BRINP3: variants seen among roughly 807,000 people sequenced by gnomAD.
BRINP3 encodes BMP/retinoic acid inducible neural specific 3.
BRINP3 carries 19 observed loss-of-function variants against 71.0 expected under a neutral mutation model. The observed-to-expected ratio is 0.27, with a 90% confidence interval of 0.19 to 0.39. The LOEUF (loss-of-function observed/expected upper bound fraction) is 0.39. Ranked by LOEUF, BRINP3 falls within the 10% of genes least tolerant of loss-of-function variation. The pLI is 1.00. For synonymous variants in BRINP3, 380 were observed against 337.7 expected (o/e 1.13, Z -1.37); for missense variants, 959 against 940.8 (o/e 1.02, Z -0.25).
chr1:190,252,930 CT>C (rs1416342745), intron 4 of BRINP3, among the ~76,000 whole-genome samples: 2 of 151,998 alleles, frequency 1.3e-5, no homozygotes, highest in Non-Finnish European at 2.9e-5. Flanking sequence ...ATCCCTCCCC[CT>C]GTCCCACACC....
Position 190,098,535 on chromosome 1 carries a change from T to C in BRINP3, c.1784A>G (p.Asp595Gly), listed in dbSNP as rs1651402079. ...FMPVNENSFP[D>G]WERTKLDLPL... The stretch of plus-strand genomic sequence containing the variant: ...TAGGTCCAACTTAGTCCGCTCCCAG[T>C]CTGGAAAGCTGTTTTCATTCACAGG... The change falls in exon 8 of 8, where the codon GAC (aspartate) becomes GGC (glycine). Residue 595 changes from aspartate to glycine, a missense_variant. Asp to Gly is a moderately conservative substitution (Grantham distance 94, BLOSUM62 -1). Coordinates refer to ENST00000367462, the MANE Select transcript of BRINP3 (RefSeq NM_199051.3). The C allele has an allele frequency of 1.9e-6, 3 of 1,614,056 alleles. No individual in the cohort carries two copies. The South Asian group carries it at 3.3e-5, about 18-fold the overall frequency.
At chr1:190,347,244 G>A (rs1668078793) in intron 2 of BRINP3, among the ~76,000 whole-genome samples, 1 of 152,128 alleles carries the variant, frequency 6.6e-6, no homozygotes, top group South Asian at 2.1e-4. Flanking sequence ...AGGTTCAAGG[G>A]ATTCCTCTGC....
chr1:190,457,207 C>T (rs796581383), intron 1 of BRINP3, among the ~76,000 whole-genome samples: 128 of 152,110 alleles, frequency 8.4e-4, no homozygotes, highest in African/African-American at 2.9e-3. Context: ...TTTGGGAGGC[C>T]GAGGAGGGCG....
At chr1:190,340,767 T>A (rs1402747786) in intron 2 of BRINP3, among the ~76,000 whole-genome samples, 1 of 151,578 alleles carries the variant, frequency 6.6e-6, no homozygotes, top group Admixed American at 6.6e-5. Flanking sequence ...TAATGTAATG[T>A]CAGCCACACT....
intron 4 of BRINP3, among the ~76,000 whole-genome samples, chr1:190,235,542 A>G (rs1658433292): frequency 6.6e-6 from 1 of 151,992 alleles, no homozygotes; most frequent in Non-Finnish European, 1.5e-5. Flanking sequence ...TTATAGGACA[A>G]GGAAGACACC....
intron 2 of BRINP3, among the ~76,000 whole-genome samples, chr1:190,413,238 T>C (rs1400090736): frequency 2.0e-5 from 3 of 151,996 alleles, no homozygotes; most frequent in Non-Finnish European, 4.4e-5. Flanking sequence ...TTGTGTATAT[T>C]AACTAAAAAT....
intron 2 of BRINP3, among the ~76,000 whole-genome samples, chr1:190,413,397 A>C (rs1672815780): frequency 6.6e-6 from 1 of 152,210 alleles, no homozygotes; most frequent in Non-Finnish European, 1.5e-5. Context: ...TAACTTGTAA[A>C]TATTTCTTTA....
chr1:190,461,003 C>G (rs1384377337), intron 1 of BRINP3, among the ~76,000 whole-genome samples: 1 of 152,212 alleles, frequency 6.6e-6, no homozygotes, highest in Non-Finnish European at 1.5e-5. Context: ...AGTTTTCCCA[C>G]TAGCCATGTG....
chr1:190,312,273 T>C (rs1665588539), intron 2 of BRINP3, among the ~76,000 whole-genome samples: 1 of 151,080 alleles, frequency 6.6e-6, no homozygotes, highest in Admixed American at 6.6e-5. Flanking sequence ...TGAGCTGTCA[T>C]TTAGAAATAT....
intron 5 of BRINP3, among the ~76,000 whole-genome samples, chr1:190,233,572 A>G (rs1196199418): frequency 6.6e-6 from 1 of 152,190 alleles, no homozygotes; most frequent in East Asian, 1.9e-4. Context: ...TGAATAATGT[A>G]AATATTCAGC....
intron 2 of BRINP3, among the ~76,000 whole-genome samples, chr1:190,358,041 T>C (rs1391552979): frequency 6.6e-6 from 1 of 152,106 alleles, no homozygotes; most frequent in Non-Finnish European, 1.5e-5. Flanking sequence ...CTGTTAGACC[T>C]AAAACCATAA....
At chr1:190,283,991 A>C (rs960811289) in intron 2 of BRINP3, among the ~76,000 whole-genome samples, 5 of 151,936 alleles carry the variant, frequency 3.3e-5, no homozygotes, top group African/African-American at 9.7e-5. Context: ...ATACAATCTA[A>C]GTGAAATAAT....
rs1571565789 is a variant in BRINP3 at position 190,264,966 on chromosome 1, T to C, written c.517A>G (p.Thr173Ala). The part of the protein sequence containing the change: ...SDSTTNSSSV[T>A]LETLHQLAAS... ...GCTAGCTGATGTAGCGTCTCCAGAG[T>C]GACCGAAGAGCTATTGGTGGTGGAA... Residue 173 changes from threonine to alanine, a missense_variant, in exon 4 of 8, where the codon ACT (threonine) becomes GCT (alanine). Physicochemically the swap from Thr to Ala is moderately conservative, Grantham distance 58 (BLOSUM62 0). Transcript: ENST00000367462. 6.2e-7 allele frequency: 1 copy of C among 1,612,234 alleles called. No individual in the cohort carries two copies. The highest frequency in any genetic ancestry group is 2.2e-5 in the East Asian group (1 of 44,656).
At chr1:190,102,184 C>T (rs1651762867) in intron 7 of BRINP3, among the ~76,000 whole-genome samples, 1 of 152,052 alleles carries the variant, frequency 6.6e-6, no homozygotes, top group South Asian at 2.1e-4. Context: ...TTTCTTTACT[C>T]CTTGTGTAAT....
intron 1 of BRINP3, among the ~76,000 whole-genome samples, chr1:190,456,675 T>C (rs1324723775): frequency 1.3e-5 from 2 of 152,080 alleles, no homozygotes; most frequent in Admixed American, 6.6e-5. Context: ...ATAATAATCC[T>C]GTGACTAAAA....
At chr1:190,415,933 G>T (rs1437996712) in intron 2 of BRINP3, among the ~76,000 whole-genome samples, 3 of 152,050 alleles carry the variant, frequency 2.0e-5, no homozygotes, top group Non-Finnish European at 4.4e-5. Flanking sequence ...ACATATATTT[G>T]CATATATATT....
intron 5 of BRINP3, among the ~76,000 whole-genome samples, chr1:190,229,223 T>G (rs1472433896): frequency 6.6e-6 from 1 of 151,966 alleles, no homozygotes; most frequent in African/African-American, 2.4e-5. Context: ...CCACATGTCG[T>G]GGGAGGGACC....
At chr1:190,434,544 T>A (rs907221413) in intron 2 of BRINP3, among the ~76,000 whole-genome samples, 13 of 152,142 alleles carry the variant, frequency 8.5e-5, no homozygotes, top group Admixed American at 1.3e-4. Context: ...TAGGTTATAA[T>A]GATAGGCATT....
chr1:190,097,969 G>A lies in BRINP3; in HGVS notation c.*49C>T. On this transcript the variant is annotated 3_prime_UTR_variant, in exon 8 of 8. Coordinates refer to ENST00000367462, the MANE Select transcript of BRINP3 (RefSeq NM_199051.3). Reference sequence around the variant, plus strand: ...TCCAAACATAAACTGTTCCACAAAAGCACTGTAAAAACTCCTTCAAGATTT... The same window carrying A: ...TCCAAACATAAACTGTTCCACAAAAACACTGTAAAAACTCCTTCAAGATTT... The A allele has an allele frequency of 2.0e-6, 3 of 1,525,062 alleles. No homozygotes were observed. In the South Asian group the frequency reaches 3.8e-5, roughly 19 times the overall value. 94.5% of individuals were successfully genotyped at this position (1,525,062 alleles called of 1,614,324 possible).
Sources: gnomAD v4.1 joint callset for allele counts (sites outside exome capture counted in the v4.1 genomes callset) on GRCh38, gnomAD v4.1.1 for gene constraint, MANE v1.5 for transcripts, NCBI Gene and HGNC (gene_info 2026-07-23, HGNC 2026-07-21) for gene names.